The following LRP1B variants were observed in gnomAD, a reference collection of about 807,000 sequenced individuals.
LRP1B encodes the protein LDL receptor related protein 1B.
In LRP1B, 217 loss-of-function variants were observed where a neutral mutation model predicts 556.6. That is an observed-to-expected ratio of 0.39 (90% CI 0.35 to 0.44). The LOEUF (loss-of-function observed/expected upper bound fraction) is 0.44. Among genes scored for constraint, LRP1B ranks in the 20% least tolerant of loss-of-function variants. The probability of loss-of-function intolerance (pLI) is 1.00; values close to 1 mark genes in which losing one functional copy is unlikely to be tolerated. For synonymous variants in LRP1B, 2,047 were observed against 1,865.8 expected (o/e 1.10, Z -2.50); for missense variants, 5,053 against 5,620.8 (o/e 0.90, Z 3.23).
chr2:141,726,148 A>G (rs1226613718), intron 2 of LRP1B, among the ~76,000 whole-genome samples: 1 of 151,448 alleles, frequency 6.6e-6, no homozygotes, highest in East Asian at 1.9e-4. Context: ...GTCATGTAAT[A>G]ATAAATGGCA....
intron 20 of LRP1B, among the ~76,000 whole-genome samples, chr2:140,927,766 G>A (rs1694930369): frequency 7.3e-6 from 1 of 137,570 alleles, no homozygotes. Context: ...GAGTGCAATA[G>A]TGCAATCTTG....
At chr2:140,860,974 GCATC>G (rs1195492403) in intron 27 of LRP1B, among the ~76,000 whole-genome samples, 3 of 134,808 alleles carry the variant, frequency 2.2e-5, no homozygotes, top group Admixed American at 1.5e-4. Flanking sequence ...AGAGAATTGT[GCATC>G]TATCTATCTA....
intron 1 of LRP1B, among the ~76,000 whole-genome samples, chr2:142,119,209 A>G (rs1707371285): frequency 6.6e-6 from 1 of 152,170 alleles, no homozygotes; most frequent in African/African-American, 2.4e-5. Flanking sequence ...AAAACATACC[A>G]TGCTTGAAAA....
intron 3 of LRP1B, among the ~76,000 whole-genome samples, chr2:141,356,083 C>A (rs1217635427): frequency 6.6e-6 from 1 of 152,098 alleles, no homozygotes; most frequent in Non-Finnish European, 1.5e-5. Context: ...ATTAGGTATA[C>A]CCACCTCAAA....
At chr2:140,850,031 TA>T (rs1166942495) in intron 29 of LRP1B, 70 bp downstream of exon 29, 6 of 974,976 alleles carry the variant, frequency 6.2e-6, no homozygotes, top group Non-Finnish European at 4.7e-6. Context: ...AGAAAGAATA[TA>T]AAAGATTTGT....
At chr2:140,879,516 G>A (rs1327191942) in intron 25 of LRP1B, among the ~76,000 whole-genome samples, 3 of 152,048 alleles carry the variant, frequency 2.0e-5, no homozygotes. Context: ...AGTCACCCTA[G>A]AAGTGTTCTT....
chr2:141,653,735 G>A (rs1216703563), intron 2 of LRP1B, among the ~76,000 whole-genome samples: 1 of 152,190 alleles, frequency 6.6e-6, no homozygotes, highest in Non-Finnish European at 1.5e-5. Flanking sequence ...AGCAACCTGA[G>A]TATATTAATG....
intron 1 of LRP1B, among the ~76,000 whole-genome samples, chr2:142,068,968 AAT>A (rs1419074026): frequency 6.6e-6 from 1 of 151,474 alleles, no homozygotes; most frequent in Non-Finnish European, 1.5e-5. Context: ...TTGTTGAATG[AAT>A]ATGTTGAGAA....
intron 77 of LRP1B, among the ~76,000 whole-genome samples, chr2:140,348,117 G>T (rs1681778197): frequency 6.6e-6 from 1 of 151,832 alleles, no homozygotes; most frequent in Non-Finnish European, 1.5e-5. Context: ...ATCTCAAAGG[G>T]GCTGTAGAAA....
chr2:141,185,811 G>A (rs942137996), intron 7 of LRP1B, among the ~76,000 whole-genome samples: 3 of 151,906 alleles, frequency 2.0e-5, no homozygotes, highest in Non-Finnish European at 2.9e-5. Flanking sequence ...AGGTGCAGAG[G>A]CTCACACCTG....
chr2:141,232,474 A>G (rs1322666551), intron 5 of LRP1B, among the ~76,000 whole-genome samples: 1 of 152,230 alleles, frequency 6.6e-6, no homozygotes, highest in African/African-American at 2.4e-5. Context: ...AGTAAACTTA[A>G]TGTAGGGCAT....
At chr2:140,435,595 C>A (rs569234621) in intron 66 of LRP1B, among the ~76,000 whole-genome samples, 16 of 151,980 alleles carry the variant, frequency 1.1e-4, no homozygotes, top group Non-Finnish European at 1.9e-4. Flanking sequence ...TGCCTCCTGA[C>A]TCATTGTGTA....
At chr2:141,533,658 G>A (rs1684968129) in intron 2 of LRP1B, among the ~76,000 whole-genome samples, 1 of 152,078 alleles carries the variant, frequency 6.6e-6, no homozygotes, top group Non-Finnish European at 1.5e-5. Context: ...GTCACAAATG[G>A]CTACCGCTAA....
At chr2:141,031,917 A>C (rs1218540045) in intron 11 of LRP1B, among the ~76,000 whole-genome samples, 1 of 151,672 alleles carries the variant, frequency 6.6e-6, no homozygotes, top group African/African-American at 2.4e-5. Flanking sequence ...TAAAAACTAG[A>C]TGCACCAAAA....
At chr2:141,649,925 A>G (rs980866759) in intron 2 of LRP1B, among the ~76,000 whole-genome samples, 1 of 152,204 alleles carries the variant, frequency 6.6e-6, no homozygotes, top group African/African-American at 2.4e-5. Context: ...AGTGCCTGTG[A>G]TTCCAGCTTT....
At chr2:142,028,795 T>C (rs1703592030) in intron 1 of LRP1B, among the ~76,000 whole-genome samples, 1 of 151,946 alleles carries the variant, frequency 6.6e-6, no homozygotes, top group South Asian at 2.1e-4. Context: ...ACATATGAGT[T>C]ATAATTTCTT....
intron 43 of LRP1B, among the ~76,000 whole-genome samples, chr2:140,554,427 G>GTATT (rs1680654662): frequency 6.6e-6 from 1 of 152,080 alleles, no homozygotes; most frequent in Non-Finnish European, 1.5e-5. Context: ...TCAATGAAGA[G>GTATT]TATTTTACTT....
chr2:141,923,420 T>TATATATATAG (rs1236646779), intron 1 of LRP1B, among the ~76,000 whole-genome samples: 3 of 138,538 alleles, frequency 2.2e-5, no homozygotes, highest in Non-Finnish European at 4.7e-5. Flanking sequence ...TATATATATA[T>TATATATATAG]ATAGTGACAA....
At chr2:141,255,116 ATG>A (rs1684412672) in intron 3 of LRP1B, among the ~76,000 whole-genome samples, 1 of 152,110 alleles carries the variant, frequency 6.6e-6, no homozygotes, top group Non-Finnish European at 1.5e-5. Context: ...GAAATACTGA[ATG>A]TAATATATTT....
Sources: allele counts gnomAD v4.1 joint callset (sites outside exome capture counted in the v4.1 genomes callset), GRCh38; gene constraint gnomAD v4.1.1; transcripts MANE v1.5; gene names NCBI Gene and HGNC (gene_info 2026-07-23, HGNC 2026-07-21).